Variants in FLT1 observed in about 807,000 individuals in gnomAD.
FLT1 encodes vascular endothelial growth factor receptor 1.
A neutral mutation model predicts 156.3 loss-of-function variants in FLT1; 49 were observed. That is an observed-to-expected ratio of 0.31 (90% confidence interval 0.25 to 0.40). The LOEUF (loss-of-function observed/expected upper bound fraction) is 0.40, where lower values mean the gene tolerates loss of function less well. Among genes scored for constraint, FLT1 ranks in the 10% least tolerant of loss-of-function variants. The probability of loss-of-function intolerance (pLI) is 1.00; values close to 1 mark genes in which losing one functional copy is unlikely to be tolerated. For missense variants in FLT1, 1,322 were observed against 1,637.2 expected, an observed-to-expected ratio of 0.81 and a Z score of 3.32; for synonymous variants, 594 against 583.8, an observed-to-expected ratio of 1.02 and a Z score of -0.25.
At chr13:28,401,354 C>T (rs1314095878) in intron 11 of FLT1, among the ~76,000 whole-genome samples, 1 of 152,194 alleles carries the variant, frequency 6.6e-6, no homozygotes, top group Non-Finnish European at 1.5e-5. Flanking sequence ...ACAGATCCTT[C>T]AAGCCCATTC....
At position 28,437,095 on chromosome 13, in the gene FLT1, TC is replaced by T. The variant is rs1450755848; in HGVS notation, c.513+1125del. Among the ~76,000 whole-genome samples the T allele has an allele frequency of 2.0e-5, 3 of 152,168 alleles. No homozygotes were observed. The East Asian group carries it at 5.8e-4, about 29-fold the overall frequency. On this transcript the variant is annotated intron_variant, in intron 4 of 29. Coordinates refer to ENST00000282397, the MANE Select transcript of FLT1 (RefSeq NM_002019.4). ...AAATGCCCAGTATGACCTGCGAAGT[TC>T]CTGACACTCTGGAAACCAGGGTGTT...
chr13:28,334,136 TGAAGA>T lies in FLT1; in HGVS notation c.2489-12_2489-8del. The T allele has an allele frequency of 6.3e-7, 1 of 1,589,690 alleles. No homozygotes were observed. Among genetic ancestry groups the T allele is most frequent in the South Asian group, 1.1e-5 (1 of 90,610 alleles). ...CCTCTTCCAAGTGATTTGCCTGTAA[TGAAGA>T]GAAGACACTGGTTTGTTTGCCGAGG... On this transcript the variant is annotated splice_polypyrimidine_tract_variant and splice_region_variant and intron_variant, in intron 17 of 29. Coordinates refer to ENST00000282397, the MANE Select transcript of FLT1 (RefSeq NM_002019.4).
At chr13:28,349,607 G>A (rs1328775923) in intron 15 of FLT1, among the ~76,000 whole-genome samples, 1 of 152,202 alleles carries the variant, frequency 6.6e-6, no homozygotes, top group Non-Finnish European at 1.5e-5. Flanking sequence ...ACATTGCACT[G>A]TCTGCATAAA....
At chr13:28,364,751 C>T (rs562776896) in intron 14 of FLT1, among the ~76,000 whole-genome samples, 1 of 152,216 alleles carries the variant, frequency 6.6e-6, no homozygotes, top group South Asian at 2.1e-4. Context: ...TTGAAGCTCC[C>T]ATGTATTTGT....
At chr13:28,420,920 C>A (rs1876962551) in intron 10 of FLT1, among the ~76,000 whole-genome samples, 2 of 152,248 alleles carry the variant, frequency 1.3e-5, no homozygotes, top group Middle Eastern at 3.4e-3. Flanking sequence ...TGCAATTAGG[C>A]AAGCCCCTCT....
intron 11 of FLT1, chr13:28,399,118 G>A (rs1875261516): frequency 6.5e-7 from 1 of 1,548,930 alleles, no homozygotes; most frequent in Non-Finnish European, 8.7e-7. Flanking sequence ...GCTGGTGGAA[G>A]CTGGAAGACA....
Position 28,357,583 on chromosome 13 carries a change from A to G in FLT1, c.2219T>C (p.Val740Ala). 6.2e-7 allele frequency: 1 copy of G among 1,614,182 alleles called. No homozygotes were observed. The highest frequency in any genetic ancestry group is 8.5e-7 in the Non-Finnish European group (1 of 1,180,002). The change falls in exon 15 of 30, where the codon GTG becomes GCG. Residue 740 changes from valine to alanine, a missense_variant. Physicochemically the swap from Val to Ala is moderately conservative, Grantham distance 64. Around this residue, in one of 3 missense-constraint regions of FLT1, gnomAD observed 991 missense variants for 1,254.8 expected, o/e 0.79. Coordinates refer to ENST00000282397, the MANE Select transcript of FLT1 (RefSeq NM_002019.4). ...AACAGTGAGGTATGCTGAACTTTCCACAGAGCCCTTCTGGTTGGTGGCTTT... is the reference window on the plus strand; with the variant it reads ...AACAGTGAGGTATGCTGAACTTTCCGCAGAGCCCTTCTGGTTGGTGGCTTT... ...HCKATNQKGSVESSAYLTVQG... is the reference protein window; with the variant it reads ...HCKATNQKGSAESSAYLTVQG...
At chr13:28,469,494 G>T (rs978184226) in intron 1 of FLT1, among the ~76,000 whole-genome samples, 11 of 152,132 alleles carry the variant, frequency 7.2e-5, no homozygotes, top group Non-Finnish European at 1.5e-4. Flanking sequence ...CTGCTCCTCA[G>T]GCTCCTCGTG....
intron 17 of FLT1, 93 bp from the exon 18 acceptor site, chr13:28,334,222 A>T: frequency 1.2e-6 from 1 of 835,606 alleles, no homozygotes; most frequent in South Asian, 1.3e-5. Flanking sequence ...CTATGTGTGC[A>T]TGTGAGGCAT....
Position 28,494,990 on chromosome 13 carries a change from C to T in FLT1, c.-147G>A, listed in dbSNP as rs1881687617. ...GCTCCAGCCAGGAGACAACCACTTC[C>T]CCGGGTAATCCTCGCCGCCAGGCGC... On this transcript the variant is annotated 5_prime_UTR_variant, in exon 1 of 30. Transcript: ENST00000282397. The T allele has an allele frequency of 1.8e-6, 1 of 554,120 alleles. No individual in the cohort carries two copies. The allele number at this position is 554,120 out of a possible 1,614,324, so 34.3% of individuals were successfully genotyped here.
chr13:28,485,223 T>C (rs1377136988), intron 1 of FLT1, among the ~76,000 whole-genome samples: 1 of 152,170 alleles, frequency 6.6e-6, no homozygotes, highest in Non-Finnish European at 1.5e-5. Context: ...AAAGCATGTC[T>C]GTCCCTGCAG....
chr13:28,390,069 T>A lies in FLT1; in HGVS notation c.1696A>T (p.Met566Leu). Residue 566 changes from methionine (M) to leucine (L), a missense_variant, in exon 13 of 30, where the codon ATG (methionine) becomes TTG (leucine). Met to Leu is a conservative substitution (Grantham distance 15). Coordinates refer to ENST00000282397, the MANE Select transcript of FLT1 (RefSeq NM_002019.4). ...PNGFHVNLEK[M>L]PTEGEDLKLS... is the part of the protein sequence containing the mutation. The stretch of plus-strand genomic sequence containing the variant: ...TTCAGGTCCTCTCCTTCCGTCGGCA[T>A]TTTTTCCAAGTTAACATGAAACCCA... The A allele has an allele frequency of 6.2e-7, 1 of 1,613,834 alleles. No homozygotes were observed. The highest frequency in any genetic ancestry group is 1.1e-5 in the South Asian group (1 of 91,066).
In FLT1 at chr13:28,433,825, A is replaced by C; in HGVS notation, c.807T>G (p.Pro269=). The C allele has an allele frequency of 6.2e-7, 1 of 1,613,960 alleles. No individual in the cohort carries two copies. The highest frequency in any genetic ancestry group is 8.5e-7 in the Non-Finnish European group (1 of 1,179,834). The change falls in exon 6 of 30, where the codon CCT becomes CCG. Residue 269 remains proline (P), a synonymous_variant. Coordinates refer to ENST00000282397, the MANE Select transcript of FLT1 (RefSeq NM_002019.4). Reference sequence around the variant, plus strand: ...AGAAAAATGGGTCACTCACTTCATCAGGGTAACTCCAGGTCATTTGAACTC... The same window carrying C: ...AGAAAAATGGGTCACTCACTTCATCCGGGTAACTCCAGGTCATTTGAACTC... ...NTRVQMTWSY[P]DEKNKRASVR... is the part of the protein sequence containing the mutation.
At chr13:28,346,201 A>AG in intron 15 of FLT1, 1 of 152,938 alleles carries the variant, frequency 6.5e-6, no homozygotes, top group Non-Finnish European at 1.5e-5. Context: ...GCTGGACCTG[A>AG]ATCCTTCCCA....
chr13:28,414,339 G>A (rs1191893297), intron 10 of FLT1, among the ~76,000 whole-genome samples: 1 of 152,170 alleles, frequency 6.6e-6, no homozygotes, highest in Non-Finnish European at 1.5e-5. Flanking sequence ...GCTTAGTTAT[G>A]TATTGTCCTT....
rs540623637 is a variant in FLT1, at chr13:28,301,274, T to C, written c.*1893A>G. ...TAAAATTGCCAGCTGTCACAGGTGG[T>C]TTGCGTATGTAAAGAAGAGGAAGAA... is the stretch of plus-strand genomic sequence containing the variant. On this transcript the variant is annotated 3_prime_UTR_variant, in exon 30 of 30. Transcript: ENST00000282397. 95 of 223,832 alleles carry C rather than the reference T, an allele frequency of 4.2e-4. No homozygotes were observed. Among genetic ancestry groups the C allele is most frequent in the African/African-American group, 2.4e-3 (94 of 38,594 alleles). 13.9% of individuals were successfully genotyped at this position (223,832 alleles called of 1,614,324 possible).
intron 14 of FLT1, 115 bp downstream of exon 14, chr13:28,384,770 G>T: frequency 2.0e-6 from 2 of 998,698 alleles, no homozygotes. Context: ...CAGTGTTTGG[G>T]GCTCTATCAG....
At chr13:28,426,517 C>T (rs1877350383) in intron 10 of FLT1, among the ~76,000 whole-genome samples, 1 of 152,152 alleles carries the variant, frequency 6.6e-6, no homozygotes, top group East Asian at 1.9e-4. Flanking sequence ...GAGAGACAAA[C>T]CTTTGCGCAT....
At chr13:28,404,410 T>G (rs1226203397) in intron 11 of FLT1, among the ~76,000 whole-genome samples, 2 of 152,366 alleles carry the variant, frequency 1.3e-5, no homozygotes, top group Admixed American at 6.5e-5. Context: ...TCATCTTATC[T>G]TCCCTGTTTT....
Sources: allele counts gnomAD v4.1 joint callset (sites outside exome capture counted in the v4.1 genomes callset), GRCh38; gene constraint gnomAD v4.1.1; regional missense constraint gnomAD v4.1.1; transcripts MANE v1.5; gene names NCBI Gene and HGNC (gene_info 2026-07-23, HGNC 2026-07-21).